Variants in VCAN observed in about 807,000 individuals in gnomAD.
VCAN encodes the protein versican.
VCAN carries 44 observed loss-of-function variants against 245.5 expected under a neutral mutation model. That is an observed-to-expected ratio of 0.18 (90% CI 0.14 to 0.23). VCAN has a LOEUF of 0.23. VCAN is among the 10% of genes least tolerant of loss of function. The pLI is 1.00. For synonymous variants in VCAN, 1,413 were observed against 1,437.0 expected (o/e 0.98, Z 0.38); for missense variants, 3,793 against 4,057.9 (o/e 0.93, Z 1.77).
At position 83,490,827 on chromosome 5, in the gene VCAN, CAT is replaced by C. The variant is rs566945718; in HGVS notation, c.445+358_445+359del. Among the ~76,000 whole-genome samples the C allele has an allele frequency of 8.5e-5, 13 of 152,296 alleles. No homozygotes were observed. The East Asian group carries it at 2.5e-3, about 29-fold the overall frequency. ...CGAATCTACATTTTAAAAATTATTA[CAT>C]ATGTGTGTATGCACATGTACATACA... On this transcript the variant is annotated intron_variant, in intron 3 of 14. Coordinates refer to ENST00000265077, the MANE Select transcript of VCAN (RefSeq NM_004385.5).
At chr5:83,553,153 C>T (rs1046037035) in intron 10 of VCAN, among the ~76,000 whole-genome samples, 2 of 152,182 alleles carry the variant, frequency 1.3e-5, no homozygotes, top group Admixed American at 6.5e-5. Context: ...GCTGCCTTTG[C>T]AATCCAAAGA....
chr5:83,567,696 A>G (rs1386632658), intron 12 of VCAN, among the ~76,000 whole-genome samples: 1 of 152,214 alleles, frequency 6.6e-6, no homozygotes, highest in East Asian at 1.9e-4. Context: ...GTAGTGATCT[A>G]ATTCTTGTCC....
chr5:83,487,379 A>T (rs926251988), intron 2 of VCAN, among the ~76,000 whole-genome samples: 1 of 152,182 alleles, frequency 6.6e-6, no homozygotes, highest in Non-Finnish European at 1.5e-5. Flanking sequence ...CACTGTACTC[A>T]TTTGGACCAC....
intron 7 of VCAN, among the ~76,000 whole-genome samples, chr5:83,526,319 A>G (rs565101222): frequency 2.6e-5 from 4 of 152,338 alleles, no homozygotes; most frequent in East Asian, 3.9e-4. Context: ...CTGTTCTTAC[A>G]GAATTTTAAA....
chr5:83,471,889 A>G lies in VCAN; in HGVS notation c.-141A>G. The G allele has an allele frequency of 2.5e-6, 1 of 394,754 alleles. No homozygotes were observed. The highest frequency in any genetic ancestry group is 4.5e-6 in the Non-Finnish European group (1 of 224,024). 24.5% of individuals were successfully genotyped at this position (394,754 alleles called of 1,614,324 possible). A position where few individuals can be genotyped will look rare whatever the true frequency, so the allele number is the denominator to read the frequency against. On this transcript the variant is annotated 5_prime_UTR_variant, in exon 1 of 15. Transcript: ENST00000265077. Reference sequence around the variant, plus strand: ...AGCCCCGCATCCTCCCGCATCTTCCAGCACCGTCCCGCACCCTCCGCATCC... The same window carrying G: ...AGCCCCGCATCCTCCCGCATCTTCCGGCACCGTCCCGCACCCTCCGCATCC...
rs780184359 is a variant in VCAN at position 83,539,204 on chromosome 5, A to C, written c.6201A>C (p.Glu2067Asp). The change falls in exon 8 of 15, where the codon GAA (glutamate) becomes GAC (aspartate). Residue 2067 changes from glutamate to aspartate, a missense_variant. Glu to Asp is a conservative substitution (Grantham distance 45). Transcript: ENST00000265077. Reference protein sequence around the residue: ...RSTILPTAEVEGTKAPVEKEE... With the variant: ...RSTILPTAEVDGTKAPVEKEE... Reference sequence around the variant, plus strand: ...CCATTTTACCAACAGCAGAAGTGGAAGGTACGAAAGCTCCAGTAGAGAAGG... The same window carrying C: ...CCATTTTACCAACAGCAGAAGTGGACGGTACGAAAGCTCCAGTAGAGAAGG... The C allele has an allele frequency of 1.2e-6, 2 of 1,614,008 alleles. No individual in the cohort carries two copies. The highest frequency in any genetic ancestry group is 2.2e-5 in the South Asian group (2 of 91,082).
At chr5:83,574,046 C>T (rs1203430986) in intron 13 of VCAN, among the ~76,000 whole-genome samples, 1 of 152,160 alleles carries the variant, frequency 6.6e-6, no homozygotes, top group East Asian at 1.9e-4. Context: ...TGGGGGGCCT[C>T]TGGTGTGTAA....
intron 12 of VCAN, among the ~76,000 whole-genome samples, chr5:83,565,878 C>A (rs1748059769): frequency 6.6e-6 from 1 of 150,856 alleles, no homozygotes; most frequent in Non-Finnish European, 1.5e-5. Context: ...TAAAGATGAA[C>A]CCAAGAAAAC....
At chr5:83,482,775 C>G (rs1419500577) in intron 1 of VCAN, among the ~76,000 whole-genome samples, 1 of 152,192 alleles carries the variant, frequency 6.6e-6, no homozygotes, top group East Asian at 1.9e-4. Flanking sequence ...AATGGCAAAG[C>G]CAGGGCAGTT....
Position 83,540,597 on chromosome 5 carries a change from T to G in VCAN, c.7594T>G (p.Leu2532Val), listed in dbSNP as rs200088438. The change falls in exon 8 of 15, where the codon TTA becomes GTA. Residue 2532 changes from leucine (L) to valine (V), a missense_variant. By Grantham distance (32) the Leu-to-Val change is conservative. Coordinates refer to ENST00000265077, the MANE Select transcript of VCAN (RefSeq NM_004385.5). Reference protein sequence around the residue: ...DRFREFEDSTLKPNRKKPTEN... With the variant: ...DRFREFEDSTVKPNRKKPTEN... ...TTTCAGGGAATTCGAGGATTCCACC[T>G]TAAAACCTAACAGAAAAAAACCCAC... 8.1e-6 allele frequency: 13 copies of G among 1,613,908 alleles called. No individual in the cohort carries two copies. Among genetic ancestry groups the G allele is most frequent in the Non-Finnish European group, 1.1e-5 (13 of 1,179,944 alleles).
In VCAN at chr5:83,520,382, A is replaced by G; in HGVS notation, c.2076A>G (p.Pro692=). 1 of 1,612,596 alleles carries G rather than the reference A, an allele frequency of 6.2e-7. No individual in the cohort carries two copies. ...GAGAAAGAACAGAAACACTAATACCAGAGATGAGAACAGATACTTATACAG... is the reference window on the plus strand; with the variant it reads ...GAGAAAGAACAGAAACACTAATACCGGAGATGAGAACAGATACTTATACAG... ...HRRERTETLI[P]EMRTDTYTDE... Residue 692 remains proline (P), a synonymous_variant, in exon 7 of 15, where the codon CCA becomes CCG. Transcript: ENST00000265077.
rs1337440305 is a variant in VCAN at position 83,538,229 on chromosome 5, A to C, written c.5226A>C (p.Ser1742=). 1.9e-6 allele frequency: 3 copies of C among 1,613,860 alleles called. No individual in the cohort carries two copies. The highest frequency in any genetic ancestry group is 2.7e-5 in the African/African-American group (2 of 74,988). ...CGGCTTCTACATTTGAGGTATATTC[A>C]TCTACACAGAGATCGGATCAATTAA... The part of the protein sequence containing the change: ...TGTASTFEVY[S]STQRSDQLIL... The change falls in exon 8 of 15, where the codon TCA becomes TCC. Residue 1742 remains serine (S), a synonymous_variant. Coordinates refer to ENST00000265077, the MANE Select transcript of VCAN (RefSeq NM_004385.5).
Position 83,519,747 on chromosome 5 carries a change from A to G in VCAN, c.1441A>G (p.Lys481Glu). 1 of 1,614,184 alleles carries G rather than the reference A, an allele frequency of 6.2e-7. No homozygotes were observed. Among genetic ancestry groups the G allele is most frequent in the Non-Finnish European group, 8.5e-7 (1 of 1,180,002 alleles). Residue 481 changes from lysine (K) to glutamate (E), a missense_variant, in exon 7 of 15, where the codon AAA becomes GAA. Physicochemically the swap from Lys to Glu is moderately conservative, Grantham distance 56. Transcript: ENST00000265077. ...TTCATGGGATGGTGTCGTGGAAGAT[A>G]AACAAACACAAGAATCGGTTACACA... ...TDSWDGVVED[K>E]QTQESVTQIE...
In VCAN at chr5:83,490,210, T is replaced by G; in HGVS notation, c.183T>G (p.Phe61Leu). 1.2e-6 allele frequency: 2 copies of G among 1,614,170 alleles called. No homozygotes were observed. The highest frequency in any genetic ancestry group is 1.7e-6 in the Non-Finnish European group (2 of 1,180,026). ...TLPPSYNTSE[F>L]LRIKWSKIEV... is the part of the protein sequence containing the mutation. ...CACCCAGTTACAACACCAGTGAATT[T>G]CTCCGCATCAAATGGTCTAAGATTG... Residue 61 changes from phenylalanine (F) to leucine (L), a missense_variant, in exon 3 of 15, where the codon TTT becomes TTG. Physicochemically the swap from Phe to Leu is conservative, Grantham distance 22. This residue lies in a region of VCAN where 179 missense variants were observed against 169.7 expected (regional missense o/e 1.05). Coordinates refer to ENST00000265077, the MANE Select transcript of VCAN (RefSeq NM_004385.5).
At chr5:83,568,189 C>T (rs1748157165) in intron 12 of VCAN, among the ~76,000 whole-genome samples, 1 of 151,816 alleles carries the variant, frequency 6.6e-6, no homozygotes, top group Non-Finnish European at 1.5e-5. Context: ...GTAAAGAATT[C>T]AGAAAGACAC....
At position 83,493,732 on chromosome 5, in the gene VCAN, G is replaced by A; in HGVS notation, c.620+12G>A. The A allele has an allele frequency of 6.2e-7, 1 of 1,614,126 alleles. No homozygotes were observed. The highest frequency in any genetic ancestry group is 8.5e-7 in the Non-Finnish European group (1 of 1,180,024). On this transcript the variant is annotated intron_variant, in intron 4 of 14. Transcript: ENST00000265077. Reference sequence around the variant, plus strand: ...GATCAGACTGTCAGGTAAGAGGTCTGGGGGCCACAGGCTTCATTATTAACT... The same window carrying A: ...GATCAGACTGTCAGGTAAGAGGTCTAGGGGCCACAGGCTTCATTATTAACT...
intron 5 of VCAN, among the ~76,000 whole-genome samples, chr5:83,503,342 T>C (rs566719233): frequency 6.6e-6 from 1 of 152,276 alleles, no homozygotes; most frequent in South Asian, 2.1e-4. Flanking sequence ...TATATTCTGT[T>C]AGTGATTTTA....
In VCAN at chr5:83,512,362, C is replaced by T. The variant is rs1367836907; in HGVS notation, c.1008C>T (p.Pro336=). The change falls in exon 6 of 15, where the codon CCC becomes CCT. Residue 336 remains proline, a synonymous_variant. Transcript: ENST00000265077. ...YRFENQTGFP[P]PDSRFDAYCF... ...TTGAGAACCAGACAGGCTTCCCTCCCCCTGATAGCAGATTTGATGCCTACT... is the reference window on the plus strand; with the variant it reads ...TTGAGAACCAGACAGGCTTCCCTCCTCCTGATAGCAGATTTGATGCCTACT... 16 of 1,611,670 alleles carry T rather than the reference C, an allele frequency of 9.9e-6. 1 individual carries two copies. The South Asian group carries it at 1.6e-4, about 17-fold the overall frequency.
chr5:83,548,494 A>G (rs1228657935), intron 10 of VCAN, among the ~76,000 whole-genome samples: 3 of 152,156 alleles, frequency 2.0e-5, no homozygotes, highest in Non-Finnish European at 2.9e-5. Context: ...ATGAGTTGAT[A>G]TAGTTGTTAG....
Sources: allele counts gnomAD v4.1 joint callset (sites outside exome capture counted in the v4.1 genomes callset), GRCh38; gene constraint gnomAD v4.1.1; regional missense constraint gnomAD v4.1.1; transcripts MANE v1.5; gene names NCBI Gene and HGNC (gene_info 2026-07-23, HGNC 2026-07-21).